USP30: variants seen among roughly 807,000 people sequenced by gnomAD.
USP30 encodes ubiquitin specific peptidase 30, also known as ubiquitin carboxyl-terminal hydrolase 30.
USP30 carries 41 observed loss-of-function variants against 68.2 expected under a neutral mutation model. That is an observed-to-expected ratio of 0.60 (90% CI 0.47 to 0.78). The LOEUF (loss-of-function observed/expected upper bound fraction) is 0.78, where lower values mean the gene tolerates loss of function less well. Among genes scored for constraint, USP30 ranks in the 30% least tolerant of loss-of-function variants. USP30 has a pLI of 0.00. For synonymous variants in USP30, 229 were observed against 253.7 expected (o/e 0.90, Z 0.93); for missense variants, 522 against 649.4 (o/e 0.80, Z 2.13).
chr12:109,081,953 C>A lies in USP30; in HGVS notation c.801C>A (p.Asp267Glu). Reference protein sequence around the residue: ...AATWGHPLTLDHCLHHFISSE... With the variant: ...AATWGHPLTLEHCLHHFISSE... The stretch of plus-strand genomic sequence containing the variant: ...TGTAGGGTCACCCATTGACCCTGGA[C>A]CACTGCCTTCACCACTTCATCTCAT... Residue 267 changes from aspartate (D) to glutamate (E), a missense_variant, in exon 9 of 13, where the codon GAC (aspartate) becomes GAA (glutamate). Physicochemically the swap from Asp to Glu is conservative, Grantham distance 45. Coordinates refer to ENST00000257548, the MANE Select transcript of USP30 (RefSeq NM_032663.5). 1 of 1,614,228 alleles carries A rather than the reference C, an allele frequency of 6.2e-7. No individual in the cohort carries two copies. Among genetic ancestry groups the A allele is most frequent in the Middle Eastern group, 1.6e-4 (1 of 6,062 alleles).
intron 8 of USP30, 144 bp from the exon 9 acceptor site, chr12:109,081,789 T>C: frequency 1.2e-6 from 1 of 811,256 alleles, no homozygotes; most frequent in Admixed American, 2.2e-5. Flanking sequence ...CCCATGTTTG[T>C]CCAGGAAACA....
At chr12:109,050,982 T>A (rs2040660305), upstream of USP30, among the ~76,000 whole-genome samples, 1 of 151,908 alleles carries the variant, frequency 6.6e-6, no homozygotes, top group African/African-American at 2.4e-5. Flanking sequence ...AGAGCAAGAC[T>A]CCATCTCAAA....
In USP30 at chr12:109,084,992, T is replaced by A. The variant is rs183924218; in HGVS notation, c.1208T>A (p.Met403Lys). The change falls in exon 12 of 13, where the codon ATG becomes AAG. Residue 403 changes from methionine to lysine, a missense_variant. Transcript: ENST00000257548. ...GGGGCCCCCAAAACACAGATTTTTA[T>A]GAATGGCGCCTGCTCCCCATCTTTA... is the stretch of plus-strand genomic sequence containing the variant. Reference protein sequence around the residue: ...QPGAPKTQIFMNGACSPSLLP... With the variant: ...QPGAPKTQIFKNGACSPSLLP... 14 of 1,605,114 alleles carry A rather than the reference T, an allele frequency of 8.7e-6. No homozygotes were observed. The Admixed American group carries it at 2.2e-4, about 25-fold the overall frequency.
At chr12:109,068,463 C>T (rs760023763) in intron 4 of USP30, among the ~76,000 whole-genome samples, 9 of 151,944 alleles carry the variant, frequency 5.9e-5, no homozygotes, top group Non-Finnish European at 1.2e-4. Context: ...CTTGTTTTTG[C>T]TTTATTCTGA....
intron 7 of USP30, among the ~76,000 whole-genome samples, chr12:109,078,329 C>G (rs2041674724): frequency 6.6e-6 from 1 of 151,756 alleles, no homozygotes; most frequent in Non-Finnish European, 1.5e-5. Context: ...GAGGCTGAGG[C>G]AGGAGAATGG....
At chr12:109,082,601 G>A (rs1304583521) in intron 9 of USP30, 62 bp from the exon 10 acceptor site, 3 of 1,546,924 alleles carry the variant, frequency 1.9e-6, no homozygotes, top group East Asian at 4.6e-5. Context: ...ACTGTGGTCT[G>A]CAGCACTCCA....
intron 3 of USP30, among the ~76,000 whole-genome samples, chr12:109,058,914 C>T (rs188260190): frequency 1.4e-3 from 210 of 152,264 alleles, no homozygotes; most frequent in Non-Finnish European, 2.6e-3. Flanking sequence ...ATCCATACAC[C>T]GCTGAGAGGG....
In USP30 at chr12:109,052,581, C is replaced by T. The variant is rs1329762885; in HGVS notation, c.-98C>T. The T allele has an allele frequency of 3.3e-5, 42 of 1,259,670 alleles. No homozygotes were observed. Among genetic ancestry groups the T allele is most frequent in the Non-Finnish European group, 4.1e-5 (40 of 964,110 alleles). 78.0% of individuals were successfully genotyped at this position (1,259,670 alleles called of 1,614,324 possible). ...TCCCCCGAGGTGCTGGGACTGCGGCCGCAGGTTCCGCTGTCTCGGGAACCG... is the reference window on the plus strand; with the variant it reads ...TCCCCCGAGGTGCTGGGACTGCGGCTGCAGGTTCCGCTGTCTCGGGAACCG... On this transcript the variant is annotated 5_prime_UTR_variant, in exon 1 of 13. Transcript: ENST00000257548.
chr12:109,080,583 G>A (rs1358578470), intron 7 of USP30, among the ~76,000 whole-genome samples: 1 of 152,114 alleles, frequency 6.6e-6, no homozygotes, highest in African/African-American at 2.4e-5. Flanking sequence ...ATGATCATAT[G>A]TTCTTCTACA....
In USP30 at chr12:109,085,856, C is replaced by T. The variant is rs759130498; in HGVS notation, c.1479C>T (p.Ser493=). 2.2e-5 allele frequency: 36 copies of T among 1,614,118 alleles called. No homozygotes were observed. The highest frequency in any genetic ancestry group is 1.6e-4 in the Middle Eastern group (1 of 6,084). Reference sequence around the variant, plus strand: ...GCCTGCAGGAGGTCCTGTCCTCCAGCGCCTACCTGCTGTTCTACGAGCGCG... The same window carrying T: ...GCCTGCAGGAGGTCCTGTCCTCCAGTGCCTACCTGCTGTTCTACGAGCGCG... The part of the protein sequence containing the change: ...KASLQEVLSS[S]AYLLFYERVL... The change falls in exon 13 of 13, where the codon AGC becomes AGT. Residue 493 remains serine (S), a synonymous_variant. Transcript: ENST00000257548.
chr12:109,043,096 AAAG>A (rs1330229421), intron 3 of USP30, among the ~76,000 whole-genome samples: 2 of 152,206 alleles, frequency 1.3e-5, no homozygotes, highest in Admixed American at 1.3e-4. Context: ...GAAAGAAATT[AAAG>A]AAGACATAAT....
In USP30 at chr12:109,085,726, C is replaced by A. The variant is rs778976494; in HGVS notation, c.1349C>A (p.Ser450Tyr). The part of the protein sequence containing the change: ...AVVVHHGDMH[S>Y]GHFVTYRRSP... Reference sequence around the variant, plus strand: ...GTCGTCCACCATGGAGACATGCACTCTGGACACTTTGTCACTTACCGACGG... The same window carrying A: ...GTCGTCCACCATGGAGACATGCACTATGGACACTTTGTCACTTACCGACGG... The change falls in exon 13 of 13, where the codon TCT becomes TAT. Residue 450 changes from serine (S) to tyrosine (Y), a missense_variant. By Grantham distance (144) the Ser-to-Tyr change is moderately radical. Transcript: ENST00000257548. The A allele has an allele frequency of 2.5e-6, 4 of 1,614,152 alleles. No individual in the cohort carries two copies. The highest frequency in any genetic ancestry group is 2.7e-5 in the African/African-American group (2 of 74,944).
intron 3 of USP30, among the ~76,000 whole-genome samples, chr12:109,033,257 C>T (rs114000696): frequency 3.0e-3 from 457 of 152,168 alleles, no homozygotes; most frequent in African/African-American, 0.011. Flanking sequence ...ACCCATAGAC[C>T]GGGTAGTCTT....
At position 109,073,532 on chromosome 12, in the gene USP30, G is replaced by A. The variant is rs1385645769; in HGVS notation, c.720G>A (p.Gln240=). ...SNMVCKHCEH[Q]SPVRFDTFDS... Reference sequence around the variant, plus strand: ...TGGTCTGCAAACACTGTGAACACCAGGTAAATACAATACCAACACTTGATA... The same window carrying A: ...TGGTCTGCAAACACTGTGAACACCAAGTAAATACAATACCAACACTTGATA... Residue 240 remains glutamine, a splice_region_variant and synonymous_variant, in exon 7 of 13, where the codon CAG becomes CAA. Coordinates refer to ENST00000257548, the MANE Select transcript of USP30 (RefSeq NM_032663.5). The A allele has an allele frequency of 2.5e-6, 4 of 1,609,244 alleles. No individual in the cohort carries two copies. The highest frequency in any genetic ancestry group is 2.6e-6 in the Non-Finnish European group (3 of 1,175,574).
At chr12:109,047,643 T>C (rs7955458), upstream of USP30, 120,540 of 152,084 alleles carry the variant, frequency 0.79, 48,109 homozygotes, top group East Asian at 1. Context: ...TCTGCATATT[T>C]GAAGTGTTGC....
chr12:109,081,476 C>CAA, intron 8 of USP30, 83 bp downstream of exon 8: 2 of 1,408,794 alleles, frequency 1.4e-6, no homozygotes, highest in Non-Finnish European at 2.0e-6. Context: ...TTATGTGGCT[C>CAA]AGGCACTATG....
chr12:109,051,523 G>A (rs1423558707), upstream of USP30, among the ~76,000 whole-genome samples: 1 of 22,766 alleles, frequency 4.4e-5, no homozygotes, highest in Non-Finnish European at 9.0e-5. Context: ...CCCACCCCCC[G>A]GCCTCCCAAA....
At chr12:109,052,994 C>A (rs989993234) in intron 1 of USP30, 1 of 399,506 alleles carries the variant, frequency 2.5e-6, no homozygotes, top group Non-Finnish European at 4.4e-6. Context: ...TCAGTCCCTC[C>A]CCCTCCTGTC....
chr12:109,067,307 C>T (rs147484028), intron 3 of USP30, among the ~76,000 whole-genome samples: 159 of 151,348 alleles, frequency 1.1e-3, no homozygotes, highest in African/African-American at 3.0e-3. Flanking sequence ...TTAGTGGAGA[C>T]GGAGTTTCAC....
Sources: allele counts gnomAD v4.1 joint callset (sites outside exome capture counted in the v4.1 genomes callset), GRCh38; gene constraint gnomAD v4.1.1; transcripts MANE v1.5; gene names NCBI Gene and HGNC (gene_info 2026-07-23, HGNC 2026-07-21).